The following KLF13 variants were observed in gnomAD, a reference collection of about 807,000 sequenced individuals.
The protein encoded by KLF13 is Krueppel-like factor 13.
Under a neutral mutation model 16.7 loss-of-function variants are expected in KLF13, and 8 were observed. The observed-to-expected ratio is 0.48, with a 90% CI of 0.28 to 0.87. The LOEUF is 0.87. Ranked by LOEUF, KLF13 falls within the 40% of genes least tolerant of loss-of-function variation. The probability of loss-of-function intolerance (pLI) is 0.10; values close to 1 mark genes in which losing one functional copy is unlikely to be tolerated. For synonymous variants in KLF13, 245 were observed against 208.4 expected (o/e 1.18, Z -1.51); for missense variants, 447 against 452.2 (o/e 0.99, Z 0.10).
chr15:31,420,334 A>C, intron 1 of KLF13: 1 of 1,032,506 alleles, frequency 9.7e-7, no homozygotes. Context: ...TCCATGGAGC[A>C]GCTGGCACAG....
intron 1 of KLF13, among the ~76,000 whole-genome samples, chr15:31,386,609 C>T (rs1191389877): frequency 6.6e-6 from 1 of 152,170 alleles, no homozygotes; most frequent in Non-Finnish European, 1.5e-5. Flanking sequence ...GAAGATCTAG[C>T]CAAGATCATT....
intron 2 of KLF13, among the ~76,000 whole-genome samples, chr15:31,396,878 A>T (rs2039958071): frequency 2.6e-5 from 4 of 152,112 alleles, no homozygotes; most frequent in Admixed American, 2.6e-4. Flanking sequence ...CTTTGTTTTA[A>T]ACTATAAACT....
chr15:31,403,155 A>T (rs2040065274), intron 2 of KLF13, among the ~76,000 whole-genome samples: 1 of 152,160 alleles, frequency 6.6e-6, no homozygotes, highest in Middle Eastern at 3.2e-3. Context: ...ACGTCTGCTG[A>T]TTCCCCTCAT....
At chr15:31,415,847 A>G (rs959917301) in intron 1 of KLF13, among the ~76,000 whole-genome samples, 1 of 152,062 alleles carries the variant, frequency 6.6e-6, no homozygotes, top group African/African-American at 2.4e-5. Flanking sequence ...GAAAAAATTG[A>G]TAAAACCAAA....
intron 1 of KLF13, among the ~76,000 whole-genome samples, chr15:31,431,512 T>G (rs997820259): frequency 1.3e-5 from 2 of 152,154 alleles, no homozygotes; most frequent in African/African-American, 4.8e-5. Flanking sequence ...TCGCCCAGGA[T>G]GGAGTGCAGT....
intron 1 of KLF13, among the ~76,000 whole-genome samples, chr15:31,414,331 T>C (rs1212822463): frequency 6.6e-6 from 1 of 152,050 alleles, no homozygotes; most frequent in East Asian, 1.9e-4. Context: ...ACACAGGACA[T>C]ATGTAAGACA....
intron 1 of KLF13, among the ~76,000 whole-genome samples, chr15:31,342,598 T>A (rs1482224445): frequency 6.6e-6 from 1 of 152,224 alleles, no homozygotes; most frequent in African/African-American, 2.4e-5. Flanking sequence ...AGGTTTGCTA[T>A]TTTTGTGTCT....
chr15:31,329,663 CCA>C (rs2038792062), intron 1 of KLF13, among the ~76,000 whole-genome samples: 1 of 152,210 alleles, frequency 6.6e-6, no homozygotes, highest in Non-Finnish European at 1.5e-5. Flanking sequence ...GTAGGTGGGG[CCA>C]GTTTCCTCGG....
intron 1 of KLF13, among the ~76,000 whole-genome samples, chr15:31,368,596 G>T (rs28562483): frequency 0.093 from 14,184 of 152,222 alleles, 861 homozygotes; most frequent in East Asian, 0.15. Context: ...GCTCATACCT[G>T]TAATCCCAGC....
intron 2 of KLF13, among the ~76,000 whole-genome samples, chr15:31,397,277 T>G (rs1440772122): frequency 6.6e-6 from 1 of 151,518 alleles, no homozygotes; most frequent in Non-Finnish European, 1.5e-5. Context: ...GGGGTGCACG[T>G]GGCAGGGTGG....
chr15:31,338,830 C>T (rs1441910497), intron 1 of KLF13, among the ~76,000 whole-genome samples: 4 of 152,098 alleles, frequency 2.6e-5, no homozygotes, highest in African/African-American at 7.2e-5. Context: ...TTCTCACTTC[C>T]TCTACTCCCC....
chr15:31,355,115 A>G (rs1012192243), intron 1 of KLF13, among the ~76,000 whole-genome samples: 3 of 152,236 alleles, frequency 2.0e-5, no homozygotes, highest in African/African-American at 4.8e-5. Context: ...GAAGGCAACC[A>G]GGACACAGGT....
chr15:31,383,725 C>T (rs1015725902), intron 1 of KLF13, among the ~76,000 whole-genome samples: 2 of 151,968 alleles, frequency 1.3e-5, no homozygotes, highest in Non-Finnish European at 2.9e-5. Context: ...ACGGTGAAAC[C>T]CCGTTTCTAC....
intron 1 of KLF13, among the ~76,000 whole-genome samples, chr15:31,335,100 C>T (rs2038905816): frequency 1.3e-5 from 2 of 151,820 alleles, no homozygotes; most frequent in East Asian, 1.9e-4. Context: ...TGTGAGTGGA[C>T]GTGGCACCCT....
At chr15:31,405,206 C>T (rs996919151), downstream of KLF13, among the ~76,000 whole-genome samples, 3 of 152,116 alleles carry the variant, frequency 2.0e-5, no homozygotes, top group African/African-American at 4.8e-5. Context: ...TCCAGCTACT[C>T]TGGAGGCTGA....
At chr15:31,385,889 C>T (rs2039790758) in intron 1 of KLF13, among the ~76,000 whole-genome samples, 2 of 152,222 alleles carry the variant, frequency 1.3e-5, no homozygotes, top group Admixed American at 6.5e-5. Context: ...GAGGAAGTCT[C>T]AAAAGGTGAG....
At chr15:31,350,620 G>A (rs1416218787) in intron 1 of KLF13, among the ~76,000 whole-genome samples, 1 of 152,260 alleles carries the variant, frequency 6.6e-6, no homozygotes, top group Non-Finnish European at 1.5e-5. Flanking sequence ...AAAGTAGCTT[G>A]GCGTGTAAGG....
chr15:31,435,513 T>A (rs1284938867), exon 2 of KLF13: 1 of 152,186 alleles, frequency 6.6e-6, no homozygotes, highest in African/African-American at 2.4e-5. Context: ...CCCTCCAGTG[T>A]CTGTGGCGGG....
chr15:31,421,959 T>C (rs1036043615), intron 1 of KLF13, among the ~76,000 whole-genome samples: 1 of 151,322 alleles, frequency 6.6e-6, no homozygotes, highest in Non-Finnish European at 1.5e-5. Context: ...ACCAAAAATA[T>C]AAAAAATTAG....
Sources: allele counts gnomAD v4.1 joint callset (sites outside exome capture counted in the v4.1 genomes callset), GRCh38; gene constraint gnomAD v4.1.1; transcripts MANE v1.5; gene names NCBI Gene and HGNC (gene_info 2026-07-23, HGNC 2026-07-21).